The following TMPRSS9 variants were observed in gnomAD, a reference collection of about 807,000 sequenced individuals.
TMPRSS9 encodes transmembrane serine protease 9.
TMPRSS9 carries 113 observed loss-of-function variants against 111.4 expected under a neutral mutation model. The observed-to-expected ratio is 1.01, with a 90% confidence interval of 0.87 to 1.19. The LOEUF (loss-of-function observed/expected upper bound fraction) is 1.19, where lower values mean the gene tolerates loss of function less well. Ranked by LOEUF, TMPRSS9 falls within the 50% of genes most tolerant of loss-of-function variation. TMPRSS9 has a pLI of 0.00. For synonymous variants in TMPRSS9, 805 were observed against 659.1 expected, an observed-to-expected ratio of 1.22 and a Z score of -3.39; for missense variants, 1,803 against 1,513.1, an observed-to-expected ratio of 1.19 and a Z score of -3.18.
At chr19:2,401,839 C>A in intron 4 of TMPRSS9, 136 bp from the exon 6 acceptor site, 1 of 464,844 alleles carries the variant, frequency 2.2e-6, no homozygotes, top group East Asian at 5.8e-5. Context: ...AACTCCTGAC[C>A]GCAAATGATC....
At chr19:2,382,574 GCACACACAGATGCACATGCACA>G (rs748252977) in intron 1 of TMPRSS9, among the ~76,000 whole-genome samples, 62 of 148,712 alleles carry the variant, frequency 4.2e-4, no homozygotes, top group Admixed American at 2.7e-4. Flanking sequence ...ACGCACAGAT[GCACACACAGATGCACATGCACA>G]CACACACAGA....
chr19:2,425,664 T>C, intron 17 of TMPRSS9, 171 bp downstream of exon 18: 1 of 1,312,818 alleles, frequency 7.6e-7, no homozygotes, highest in East Asian at 2.9e-5. Flanking sequence ...CACAGCCGTT[T>C]ATTGGGCAAC....
At chr19:2,378,960 C>A (rs1245826622) in intron 1 of TMPRSS9, among the ~76,000 whole-genome samples, 1 of 152,058 alleles carries the variant, frequency 6.6e-6, no homozygotes, top group Non-Finnish European at 1.5e-5. Context: ...TGGGGGAAAG[C>A]ATCCCCATGA....
At chr19:2,388,651 G>A (rs1002710563), upstream of TMPRSS9, among the ~76,000 whole-genome samples, 15 of 152,058 alleles carry the variant, frequency 9.9e-5, no homozygotes, top group African/African-American at 3.6e-4. Flanking sequence ...GACAGGGTCT[G>A]GCTCTGTCAC....
intron 1 of TMPRSS9, among the ~76,000 whole-genome samples, chr19:2,376,191 C>A (rs1021453942): frequency 6.6e-6 from 1 of 152,118 alleles, no homozygotes; most frequent in African/African-American, 2.4e-5. Flanking sequence ...TTGCTCGGGG[C>A]CCCTTCCTCT....
chr19:2,397,079 T>G (rs1482187903), intron 2 of TMPRSS9, among the ~76,000 whole-genome samples: 1 of 150,908 alleles, frequency 6.6e-6, no homozygotes, highest in Non-Finnish European at 1.5e-5. Context: ...CGCCACCACG[T>G]CCAGCTGATT....
rs140639323 is a variant in TMPRSS9 at position 2,372,905 on chromosome 19, C to T, written c.-26+12545C>T. On this transcript the variant is annotated intron_variant, in intron 1 of 17. Transcript: ENST00000649857. ...GGAGTGCAGTGGCACAATCATAGTT[C>T]ACTTCAGCCTTGACCTCGTGGGGAC... Among the ~76,000 whole-genome samples, 233 of 152,230 alleles carry T rather than the reference C, an allele frequency of 1.5e-3. 1 individual carries two copies. The highest frequency in any genetic ancestry group is 5.1e-3 in the African/African-American group (211 of 41,542).
At chr19:2,392,175 C>A (rs1407944852) in intron 1 of TMPRSS9, among the ~76,000 whole-genome samples, 2 of 151,756 alleles carry the variant, frequency 1.3e-5, no homozygotes, top group South Asian at 4.2e-4. Context: ...ATAGCAAGAC[C>A]CCATCTCTAC....
rs568879396 is a variant in TMPRSS9, at chr19:2,408,582, A to C, written c.1069A>C (p.Ser357Arg). Residue 357 changes from serine (S) to arginine (R), a missense_variant, in exon 8 of 18, where the codon AGC becomes CGC. Ser to Arg is a moderately radical substitution (Grantham distance 110). Transcript: ENST00000648592. Reference sequence around the variant, plus strand: ...GGCTGCCACACACATCTTCCCACCCAGCAAGAAGTGCCTGATCTCAGGCTG... The same window carrying C: ...GGCTGCCACACACATCTTCCCACCCCGCAAGAAGTGCCTGATCTCAGGCTG... 1.8e-5 allele frequency: 29 copies of C among 1,613,482 alleles called. No homozygotes were observed. In the African/African-American group the frequency reaches 3.7e-4, roughly 21 times the overall value.
chr19:2,398,621 A>G (rs959072082), intron 2 of TMPRSS9, among the ~76,000 whole-genome samples, 174 bp from the exon 4 acceptor site: 6 of 151,984 alleles, frequency 3.9e-5, no homozygotes, highest in African/African-American at 1.4e-4. Flanking sequence ...CTGTCTCACA[A>G]TACATACATA....
rs150734320 is a variant in TMPRSS9 at position 2,422,177 on chromosome 19, G to A, written c.2478G>A (p.Val826=). 391 of 1,567,746 alleles carry A rather than the reference G, an allele frequency of 2.5e-4. 1 individual carries two copies. In the African/African-American group the frequency reaches 4.5e-3, roughly 18 times the overall value. ...CTGCCAACTCAACCTTATCTGCCGT[G>A]AGCACCACTGCTAGGGGACAGACGC... The change falls in exon 14 of 18, where the codon GTG becomes GTA. Residue 826 remains valine (V), a synonymous_variant. Transcript: ENST00000648592.
chr19:2,424,368 C>A, intron 15 of TMPRSS9, 111 bp downstream of exon 16: 1 of 1,170,908 alleles, frequency 8.5e-7, no homozygotes, highest in Non-Finnish European at 1.1e-6. Flanking sequence ...GTGCCCTCCC[C>A]AACCCCGGCT....
At chr19:2,379,181 CTTTTTTT>C (rs919990556) in intron 1 of TMPRSS9, among the ~76,000 whole-genome samples, 4 of 99,422 alleles carry the variant, frequency 4.0e-5, no homozygotes, top group East Asian at 3.0e-4. Flanking sequence ...GCTTCTTTCT[CTTTTTTT>C]TTTTTTTTTT....
At chr19:2,402,622 C>T (rs962677910) in intron 5 of TMPRSS9, among the ~76,000 whole-genome samples, 3 of 152,106 alleles carry the variant, frequency 2.0e-5, no homozygotes, top group African/African-American at 7.2e-5. Flanking sequence ...CCTGTAATCC[C>T]AGCTACTCAG....
intron 5 of TMPRSS9, 27 bp downstream of exon 6, chr19:2,402,043 C>G: frequency 1.2e-6 from 2 of 1,606,020 alleles, no homozygotes; most frequent in South Asian, 2.2e-5. Flanking sequence ...GGCCTTTTCT[C>G]TGATTGCAGT....
chr19:2,418,351 C>CTCCTTGTCCT (rs1971326068), intron 13 of TMPRSS9, among the ~76,000 whole-genome samples: 1 of 24,766 alleles, frequency 4.0e-5, no homozygotes, highest in African/African-American at 2.7e-4. Flanking sequence ...CTCCCTTTCC[C>CTCCTTGTCCT]TCCCTCCCTC....
At chr19:2,399,320 A>C (rs936485017) in intron 4 of TMPRSS9, 127 bp downstream of exon 5, 47 of 1,286,414 alleles carry the variant, frequency 3.7e-5, no homozygotes, top group Non-Finnish European at 1.6e-5. Flanking sequence ...GTGGTGGCTC[A>C]TGCCTGCAAC....
At chr19:2,423,365 G>A (rs1471392933) in intron 14 of TMPRSS9, among the ~76,000 whole-genome samples, 1 of 151,118 alleles carries the variant, frequency 6.6e-6, no homozygotes, top group African/African-American at 2.4e-5. Flanking sequence ...AGGCCACCTG[G>A]TCTTATGTCA....
At chr19:2,364,466 T>C (rs1337225905) in intron 1 of TMPRSS9, among the ~76,000 whole-genome samples, 1 of 152,110 alleles carries the variant, frequency 6.6e-6, no homozygotes, top group African/African-American at 2.4e-5. Flanking sequence ...CAGGCTGGTC[T>C]TGAATTCCTG....
Sources: allele counts gnomAD v4.1 joint callset (sites outside exome capture counted in the v4.1 genomes callset), GRCh38; gene constraint gnomAD v4.1.1; transcripts MANE v1.5; gene names NCBI Gene and HGNC (gene_info 2026-07-23, HGNC 2026-07-21).